The following MFSD11 variants were observed in gnomAD, a reference collection of about 807,000 sequenced individuals.
MFSD11 encodes UNC93-like protein MFSD11.
In MFSD11, 36 loss-of-function variants were observed where a neutral mutation model predicts 53.5. The observed-to-expected ratio is 0.67, with a 90% CI of 0.52 to 0.89. The LOEUF is 0.89. MFSD11 is among the 40% of genes least tolerant of loss of function. The pLI is 0.00. For missense variants in MFSD11, 530 were observed against 543.9 expected (o/e 0.97, Z 0.25); for synonymous variants, 186 against 184.9 (o/e 1.01, Z -0.05).
chr17:76,778,566 A>C lies in MFSD11; in HGVS notation c.*214A>C, dbSNP rs751863519. ...AGAATAAGGGAAAGCTGTTCTGTCA[A>C]CTGTAATTGTTCAAAGATGTTGTTT... On this transcript the variant is annotated 3_prime_UTR_variant, in exon 13 of 13. Coordinates refer to ENST00000685175, the MANE Select transcript of MFSD11 (RefSeq NM_001242532.5). 24 of 488,534 alleles carry C rather than the reference A, an allele frequency of 4.9e-5. No homozygotes were observed. The highest frequency in any genetic ancestry group is 8.3e-5 in the Non-Finnish European group (23 of 276,808). 30.3% of individuals were successfully genotyped at this position (488,534 alleles called of 1,614,324 possible).
rs768133134 is a variant in MFSD11, at chr17:76,738,459, A to G, written c.96+11A>G. On this transcript the variant is annotated intron_variant, in intron 1 of 12. Coordinates refer to ENST00000685175, the MANE Select transcript of MFSD11 (RefSeq NM_001242532.5). The stretch of plus-strand genomic sequence containing the variant: ...TGTGGAAATGTGGCGGTGAGTTGGA[A>G]TCTGTCCTCCCTCCTTTGAAGTGCC... The G allele has an allele frequency of 1.6e-5, 26 of 1,598,322 alleles. No homozygotes were observed. Among genetic ancestry groups the G allele is most frequent in the Middle Eastern group, 1.7e-4 (1 of 6,058 alleles).
At chr17:76,741,340 A>C (rs2144101742) in intron 3 of MFSD11, among the ~76,000 whole-genome samples, 1 of 152,320 alleles carries the variant, frequency 6.6e-6, no homozygotes, top group African/African-American at 2.4e-5. Flanking sequence ...ATTTTCTGTC[A>C]ATTGACTGAA....
Position 76,744,353 on chromosome 17 carries a change from A to G in MFSD11, c.528A>G (p.Leu176=). The G allele has an allele frequency of 6.2e-7, 1 of 1,614,040 alleles. No homozygotes were observed. The highest frequency in any genetic ancestry group is 8.5e-7 in the Non-Finnish European group (1 of 1,179,976). Residue 176 remains leucine (L), a synonymous_variant, in exon 7 of 13, where the codon CTA becomes CTG. Transcript: ENST00000685175. ...ESDRRTVFIA[L]TVISLVGTVL... is the part of the protein sequence containing the mutation. ...ACCGAAGAACAGTGTTTATTGCCCTAACGGTGATTAGCCTTGTGGGGACAG... is the reference window on the plus strand; with the variant it reads ...ACCGAAGAACAGTGTTTATTGCCCTGACGGTGATTAGCCTTGTGGGGACAG...
At chr17:76,798,797 G>A in the MFSD11 span, among the ~76,000 whole-genome samples, 2 of 152,050 alleles carry the variant, frequency 1.3e-5, no homozygotes, top group South Asian at 4.2e-4. Context: ...GGAGGCTGAG[G>A]CAGGAGGATC....
intron 7 of MFSD11, among the ~76,000 whole-genome samples, chr17:76,753,182 A>G (rs2144424414): frequency 6.6e-6 from 1 of 152,314 alleles, no homozygotes; most frequent in South Asian, 2.1e-4. Flanking sequence ...TTGGTTCTCG[A>G]TACCCAAACA....
Position 76,740,924 on chromosome 17 carries a change from T to G in MFSD11, c.153-33T>G, listed in dbSNP as rs1167555680. 2.4e-6 allele frequency: 3 copies of G among 1,276,150 alleles called. No individual in the cohort carries two copies. The South Asian group carries it at 3.8e-5, about 16-fold the overall frequency. The allele number at this position is 1,276,150 out of a possible 1,614,324, so 79.1% of individuals were successfully genotyped here. A position where few individuals can be genotyped will look rare whatever the true frequency, so the allele number is the denominator to read the frequency against. ...GCATATAAGGGCTTTGTTCTTTTTTTTTTTTTTTTCCGTTTGTGTATTATG... is the reference window on the plus strand; with the variant it reads ...GCATATAAGGGCTTTGTTCTTTTTTGTTTTTTTTTCCGTTTGTGTATTATG... On this transcript the variant is annotated intron_variant, in intron 2 of 12. Coordinates refer to ENST00000685175, the MANE Select transcript of MFSD11 (RefSeq NM_001242532.5).
intron 6 of MFSD11, among the ~76,000 whole-genome samples, chr17:76,744,076 C>G (rs530484775): frequency 6.6e-6 from 1 of 152,162 alleles, no homozygotes; most frequent in African/African-American, 2.4e-5. Flanking sequence ...TCTCTGGACC[C>G]TTCTTTGATT....
At chr17:76,785,249 T>C (rs2082259059), downstream of MFSD11, among the ~76,000 whole-genome samples, 1 of 152,204 alleles carries the variant, frequency 6.6e-6, no homozygotes, top group South Asian at 2.1e-4. Context: ...ATTTATTATA[T>C]GAAGTACCTA....
downstream of MFSD11, among the ~76,000 whole-genome samples, chr17:76,779,906 C>T (rs1396832875): frequency 2.6e-5 from 4 of 152,116 alleles, no homozygotes; most frequent in Non-Finnish European, 4.4e-5. Flanking sequence ...TGCAGAAACC[C>T]CCAAACAAAC....
At chr17:76,736,662 G>T, upstream of MFSD11, 1 of 1,206,972 alleles carries the variant, frequency 8.3e-7, no homozygotes, top group Non-Finnish European at 1.1e-6. Flanking sequence ...CGGGGTGGCC[G>T]GAGGGTCGCG....
chr17:76,755,812 ATTTTTTTTTTT>A (rs552254902), intron 8 of MFSD11, among the ~76,000 whole-genome samples: 1 of 19,538 alleles, frequency 5.1e-5, no homozygotes, highest in Non-Finnish European at 9.7e-5. Context: ...ATATATATAT[ATTTTTTTTTTT>A]TTTTTTTTTT....
chr17:76,764,236 TTATC>T (rs144857821), intron 8 of MFSD11, among the ~76,000 whole-genome samples: 2,768 of 152,260 alleles, frequency 0.018, 83 homozygotes, highest in African/African-American at 0.062. Context: ...CCTCACATAG[TTATC>T]TTTTTTTTGC....
chr17:76,782,614 G>A (rs2082195684), downstream of MFSD11, among the ~76,000 whole-genome samples: 1 of 151,002 alleles, frequency 6.6e-6, no homozygotes, highest in African/African-American at 2.4e-5. Context: ...GAGTAGCTGG[G>A]ACTACAGGTG....
the MFSD11 span, among the ~76,000 whole-genome samples, chr17:76,788,813 C>T: frequency 4.6e-4 from 67 of 146,222 alleles, 5 homozygotes; most frequent in African/African-American, 1.7e-3. Flanking sequence ...CCAGCCTGGG[C>T]GACAGGACGA....
In MFSD11 at chr17:76,769,872, G is replaced by T. The variant is rs1178445188; in HGVS notation, c.874+1G>T. 5 of 1,602,520 alleles carry T rather than the reference G, an allele frequency of 3.1e-6. No homozygotes were observed. The South Asian group carries it at 5.7e-5, about 18-fold the overall frequency. On this transcript the variant is annotated splice_donor_variant, in intron 10 of 12. Transcript: ENST00000685175. LOFTEE classifies it high-confidence loss of function. ...TTCATCGGCATTGGAGAAATTTTAGGTTGGTTTTAAAAAAAAGCGTTTGCA... is the reference window on the plus strand; with the variant it reads ...TTCATCGGCATTGGAGAAATTTTAGTTTGGTTTTAAAAAAAAGCGTTTGCA...
At chr17:76,787,155 G>A in the MFSD11 span, among the ~76,000 whole-genome samples, 1 of 130,068 alleles carries the variant, frequency 7.7e-6, no homozygotes, top group Non-Finnish European at 1.6e-5. Context: ...TTTTTTTTGA[G>A]ACAGAGTTTC....
At chr17:76,741,827 G>A (rs1449695211) in intron 3 of MFSD11, 142 bp from the exon 4 acceptor site, 21 of 1,279,384 alleles carry the variant, frequency 1.6e-5, no homozygotes, top group Non-Finnish European at 2.2e-5. Flanking sequence ...AGTTGATTGT[G>A]TCCCTTTTTT....
chr17:76,799,953 TCC>T, the MFSD11 span, among the ~76,000 whole-genome samples: 4 of 130,400 alleles, frequency 3.1e-5, no homozygotes, highest in African/African-American at 3.4e-5. Context: ...TTTTTCTTTT[TCC>T]TTTTTTTTTT....
chr17:76,784,803 G>A (rs1469062706), downstream of MFSD11, among the ~76,000 whole-genome samples: 1 of 152,032 alleles, frequency 6.6e-6, no homozygotes, highest in Non-Finnish European at 1.5e-5. Flanking sequence ...GGAGGCTAAC[G>A]CAGGATAATC....
Sources: gnomAD v4.1 joint callset for allele counts (sites outside exome capture counted in the v4.1 genomes callset) on GRCh38, gnomAD v4.1.1 for gene constraint, MANE v1.5 for transcripts, NCBI Gene and HGNC (gene_info 2026-07-23, HGNC 2026-07-21) for gene names.